RSU1: variants seen among roughly 807,000 people sequenced by gnomAD.
RSU1 encodes the protein rsu-1.
RSU1 carries 26 observed loss-of-function variants against 31.1 expected under a neutral mutation model. The ratio of observed to expected loss-of-function variants is 0.84; its 90% CI spans 0.61 to 1.16. The LOEUF is 1.16. Among genes scored for constraint, RSU1 ranks in the 50% most tolerant of loss-of-function variants. RSU1 has a pLI of 0.00. For missense variants in RSU1, 320 were observed against 339.1 expected, an observed-to-expected ratio of 0.94 and a Z score of 0.44; for synonymous variants, 164 against 136.3, an observed-to-expected ratio of 1.20 and a Z score of -1.41.
At chr10:16,594,561 C>A (rs1833573819) in intron 8 of RSU1, among the ~76,000 whole-genome samples, 1 of 148,842 alleles carries the variant, frequency 6.7e-6, no homozygotes, top group Non-Finnish European at 1.5e-5. Context: ...CAGATATATG[C>A]CACCATGCCT....
At chr10:16,697,676 A>G (rs7899893) in intron 7 of RSU1, among the ~76,000 whole-genome samples, 1 of 150,762 alleles carries the variant, frequency 6.6e-6, no homozygotes, top group Non-Finnish European at 1.5e-5. Flanking sequence ...AAAAAAAAAG[A>G]AAAAGAAAAA....
At chr10:16,764,641 C>T (rs769570651) in intron 3 of RSU1, 131 bp from the exon 4 acceptor site, 53 of 932,582 alleles carry the variant, frequency 5.7e-5, no homozygotes, top group Non-Finnish European at 7.1e-5. Context: ...ATTCACCTAC[C>T]GGTCTTATTT....
At chr10:16,736,831 T>C (rs1564338506) in intron 7 of RSU1, among the ~76,000 whole-genome samples, 1 of 151,996 alleles carries the variant, frequency 6.6e-6, no homozygotes, top group Non-Finnish European at 1.5e-5. Context: ...AAATAGTATC[T>C]AAATTGAGAA....
chr10:16,662,431 G>A (rs1457579067), intron 8 of RSU1, among the ~76,000 whole-genome samples: 1 of 152,056 alleles, frequency 6.6e-6, no homozygotes, highest in African/African-American at 2.4e-5. Context: ...ATATATTTTT[G>A]GTAAATAACT....
intron 4 of RSU1, among the ~76,000 whole-genome samples, chr10:16,756,220 G>A (rs1411390226): frequency 6.6e-6 from 1 of 152,124 alleles, no homozygotes; most frequent in African/African-American, 2.4e-5. Context: ...AATGGGCGTA[G>A]GATTCAGGTT....
intron 2 of RSU1, among the ~76,000 whole-genome samples, chr10:16,810,480 G>T (rs1453844562): frequency 6.6e-6 from 1 of 152,038 alleles, no homozygotes; most frequent in African/African-American, 2.4e-5. Flanking sequence ...CGCCCCCCGG[G>T]CTATGCACAG....
At chr10:16,664,892 A>G (rs1238927555) in intron 8 of RSU1, among the ~76,000 whole-genome samples, 1 of 152,096 alleles carries the variant, frequency 6.6e-6, no homozygotes, top group Non-Finnish European at 1.5e-5. Context: ...CACTGACAGC[A>G]CCTAGTATTT....
At chr10:16,689,858 G>A (rs1835509199) in intron 8 of RSU1, among the ~76,000 whole-genome samples, 2 of 152,248 alleles carry the variant, frequency 1.3e-5, no homozygotes. Flanking sequence ...CATCCTGTGA[G>A]TGATGCCATG....
At chr10:16,813,585 G>A (rs75932424) in intron 2 of RSU1, among the ~76,000 whole-genome samples, 3,538 of 152,304 alleles carry the variant, frequency 0.023, 108 homozygotes, top group African/African-American at 0.079. Context: ...CTTATGAAGT[G>A]GTTTCTTAGG....
intron 8 of RSU1, among the ~76,000 whole-genome samples, chr10:16,600,618 A>T (rs1481054606): frequency 6.6e-6 from 1 of 150,376 alleles, no homozygotes; most frequent in African/African-American, 2.5e-5. Context: ...CCAGGAATGC[A>T]GTGGCATGAT....
chr10:16,739,466 C>CTTTTTTTTTTTTT (rs35664560), intron 7 of RSU1, among the ~76,000 whole-genome samples: 1 of 94,248 alleles, frequency 1.1e-5, no homozygotes, highest in African/African-American at 4.2e-5. Flanking sequence ...CATTTTCTTC[C>CTTTTTTTTTTTTT]TTTTTTTTTT....
chr10:16,741,772 T>C (rs1399194096), intron 7 of RSU1, among the ~76,000 whole-genome samples: 1 of 152,004 alleles, frequency 6.6e-6, no homozygotes, highest in African/African-American at 2.4e-5. Context: ...AAAGGGAAGG[T>C]AGGAAGCAGG....
intron 2 of RSU1, among the ~76,000 whole-genome samples, chr10:16,782,740 T>A (rs1837680347): frequency 6.6e-6 from 1 of 152,158 alleles, no homozygotes; most frequent in African/African-American, 2.4e-5. Flanking sequence ...AGATTAGGTT[T>A]GCTTAAAGAA....
chr10:16,613,980 G>A (rs192626704), intron 8 of RSU1, among the ~76,000 whole-genome samples: 15 of 152,150 alleles, frequency 9.9e-5, no homozygotes, highest in East Asian at 1.9e-4. Flanking sequence ...CTACTGGGTC[G>A]GATTCAGGGG....
intron 8 of RSU1, among the ~76,000 whole-genome samples, chr10:16,621,994 T>A (rs1834078862): frequency 1.3e-5 from 2 of 152,198 alleles, no homozygotes; most frequent in African/African-American, 4.8e-5. Context: ...ACAATACAGG[T>A]GCCTTGCTTG....
At chr10:16,622,971 G>GA (rs1047318633) in intron 8 of RSU1, among the ~76,000 whole-genome samples, 1 of 151,722 alleles carries the variant, frequency 6.6e-6, no homozygotes, top group Non-Finnish European at 1.5e-5. Flanking sequence ...AACTCAACTT[G>GA]AAAAAAACTG....
chr10:16,679,266 A>T (rs1038214942), intron 8 of RSU1, among the ~76,000 whole-genome samples: 13 of 152,208 alleles, frequency 8.5e-5, no homozygotes, highest in African/African-American at 3.1e-4. Context: ...CCCAGTCAAG[A>T]AGGAATCTTG....
intron 7 of RSU1, among the ~76,000 whole-genome samples, chr10:16,717,275 T>C (rs535539319): frequency 1.3e-5 from 2 of 152,340 alleles, no homozygotes; most frequent in African/African-American, 4.8e-5. Flanking sequence ...GCAGATATTA[T>C]GTCATATAAA....
intron 4 of RSU1, among the ~76,000 whole-genome samples, chr10:16,761,578 C>T (rs1408886564): frequency 2.0e-5 from 3 of 152,148 alleles, no homozygotes; most frequent in Admixed American, 1.3e-4. Flanking sequence ...CATTCTCAGC[C>T]GGGCACGGTG....
Sources: allele counts gnomAD v4.1 joint callset (sites outside exome capture counted in the v4.1 genomes callset), GRCh38; gene constraint gnomAD v4.1.1; transcripts MANE v1.5; gene names NCBI Gene and HGNC (gene_info 2026-07-23, HGNC 2026-07-21).